Variants in TTLL4 observed in about 807,000 individuals in gnomAD.
The protein encoded by TTLL4 is tubulin monoglutamylase TTLL4.
TTLL4 carries 85 observed loss-of-function variants against 122.7 expected under a neutral mutation model. The ratio of observed to expected loss-of-function variants is 0.69; its 90% CI spans 0.58 to 0.83. The LOEUF is 0.83. Among genes scored for constraint, TTLL4 ranks in the 40% least tolerant of loss-of-function variants. TTLL4 has a pLI of 0.00. For synonymous variants in TTLL4, 553 were observed against 563.0 expected, an observed-to-expected ratio of 0.98 and a Z score of 0.25; for missense variants, 1,363 against 1,488.6, an observed-to-expected ratio of 0.92 and a Z score of 1.39.
intron 6 of TTLL4, 116 bp downstream of exon 6, chr2:218,745,349 T>C: frequency 1.4e-6 from 2 of 1,391,424 alleles, no homozygotes; most frequent in Non-Finnish European, 2.0e-6. Flanking sequence ...GTTGTGGCAG[T>C]TGTCACACTG....
At chr2:218,716,392 T>C (rs1003617872) in intron 1 of TTLL4, among the ~76,000 whole-genome samples, 1 of 152,266 alleles carries the variant, frequency 6.6e-6, no homozygotes, top group Admixed American at 6.5e-5. Context: ...ATAATCAACA[T>C]GTTCTGCATG....
chr2:218,739,983 G>T (rs564349840), intron 3 of TTLL4, 75 bp from the exon 4 acceptor site: 6 of 1,357,900 alleles, frequency 4.4e-6, no homozygotes, highest in Non-Finnish European at 6.2e-6. Flanking sequence ...ACTGGGAGAT[G>T]ATGAAGGAAT....
chr2:218,751,484 C>A, intron 15 of TTLL4: 3 of 415,328 alleles, frequency 7.2e-6, no homozygotes, highest in Non-Finnish European at 9.7e-6. Flanking sequence ...CAAATTCAAC[C>A]TAAAGCTGGT....
downstream of TTLL4, among the ~76,000 whole-genome samples, chr2:218,756,334 T>C (rs1943151422): frequency 6.6e-6 from 1 of 152,000 alleles, no homozygotes. Context: ...AATGGGGGTA[T>C]TGGGGGAAGC....
chr2:218,757,157 C>G (rs1348362952), downstream of TTLL4, among the ~76,000 whole-genome samples: 1 of 152,198 alleles, frequency 6.6e-6, no homozygotes, highest in African/African-American at 2.4e-5. Flanking sequence ...CACACCTTCT[C>G]CACTTGCTGT....
At chr2:218,726,701 A>C (rs1398509659) in intron 1 of TTLL4, among the ~76,000 whole-genome samples, 1 of 152,184 alleles carries the variant, frequency 6.6e-6, no homozygotes, top group Non-Finnish European at 1.5e-5. Context: ...TCCTGGCCTC[A>C]AGTGATCCAC....
chr2:218,753,403 A>C lies in TTLL4; in HGVS notation c.3259-181A>C, dbSNP rs921909343. On this transcript the variant is annotated intron_variant, in intron 18 of 19. Coordinates refer to ENST00000392102, the MANE Select transcript of TTLL4 (RefSeq NM_014640.5). ...ATCAAAAAGTGCTTTGTAGGCCTCA[A>C]CTTCTTGTTTGATTCAGAAGAGAAC... is the stretch of plus-strand genomic sequence containing the variant. The C allele has an allele frequency of 1.2e-5, 10 of 826,144 alleles. No individual in the cohort carries two copies. The African/African-American group carries it at 1.5e-4, about 13-fold the overall frequency. The allele number at this position is 826,144 out of a possible 1,614,324, so 51.2% of individuals were successfully genotyped here.
In TTLL4 at chr2:218,754,390, C is replaced by T. The variant is rs771124418; in HGVS notation, c.*1C>T. On this transcript the variant is annotated 3_prime_UTR_variant, in exon 20 of 20. Transcript: ENST00000392102. Reference sequence around the variant, plus strand: ...CTCCCTCCTGGCTGTGAGCCCATAACTGGCCTCTCTCCAAAAGCCTCTGCC... The same window carrying T: ...CTCCCTCCTGGCTGTGAGCCCATAATTGGCCTCTCTCCAAAAGCCTCTGCC... 4 of 1,614,074 alleles carry T rather than the reference C, an allele frequency of 2.5e-6. No homozygotes were observed. The highest frequency in any genetic ancestry group is 2.2e-5 in the East Asian group (1 of 44,892).
At chr2:218,757,693 T>C (rs1943178429), downstream of TTLL4, among the ~76,000 whole-genome samples, 1 of 152,154 alleles carries the variant, frequency 6.6e-6, no homozygotes, top group Admixed American at 6.5e-5. Context: ...CCTGTCACCC[T>C]AGCCAAAGTA....
rs1343546226 is a variant in TTLL4 at position 218,746,250 on chromosome 2, G to T, written c.1974+19G>T. ...TCAGAAGGTAGGGGTCCTTTCTGAGGAGCTGTTTCCCTGGACTTTGGACTA... is the reference window on the plus strand; with the variant it reads ...TCAGAAGGTAGGGGTCCTTTCTGAGTAGCTGTTTCCCTGGACTTTGGACTA... On this transcript the variant is annotated intron_variant, in intron 8 of 19. Transcript: ENST00000392102. 6.2e-7 allele frequency: 1 copy of T among 1,613,850 alleles called. No homozygotes were observed. Among genetic ancestry groups the T allele is most frequent in the African/African-American group, 1.3e-5 (1 of 74,982 alleles).
chr2:218,749,489 G>A, intron 14 of TTLL4, 102 bp downstream of exon 14: 8 of 1,462,284 alleles, frequency 5.5e-6, no homozygotes, highest in Non-Finnish European at 7.3e-6. Flanking sequence ...TTTTCTTTGA[G>A]ATGGAGTCTC....
chr2:218,753,811 C>T, intron 19 of TTLL4, 142 bp downstream of exon 19: 1 of 924,894 alleles, frequency 1.1e-6, no homozygotes. Flanking sequence ...GCAGCCATAG[C>T]ATCCTTTTTC....
chr2:218,728,921 ATTT>A (rs1191716175), intron 2 of TTLL4, among the ~76,000 whole-genome samples: 3 of 69,214 alleles, frequency 4.3e-5, no homozygotes, highest in Non-Finnish European at 6.0e-5. Flanking sequence ...CTGGTGGTCT[ATTT>A]TTTTTTTTTT....
chr2:218,758,098 C>A (rs1168805325), downstream of TTLL4, among the ~76,000 whole-genome samples: 1 of 152,122 alleles, frequency 6.6e-6, no homozygotes. Context: ...TTTGGCTTGC[C>A]CCTTCACCAG....
chr2:218,755,501 A>G (rs922282673), downstream of TTLL4: 1 of 152,274 alleles, frequency 6.6e-6, no homozygotes, highest in South Asian at 2.1e-4. Context: ...TCATCTAGGT[A>G]TGAGAAAGTG....
At chr2:218,741,809 G>A (rs1156829920) in intron 5 of TTLL4, among the ~76,000 whole-genome samples, 1 of 152,132 alleles carries the variant, frequency 6.6e-6, no homozygotes. Context: ...CTTCAGGACT[G>A]CTACACAACC....
intron 1 of TTLL4, among the ~76,000 whole-genome samples, chr2:218,719,298 G>A (rs1281687237): frequency 1.3e-5 from 2 of 152,142 alleles, no homozygotes; most frequent in Admixed American, 1.3e-4. Context: ...GAAGCTTATA[G>A]GGCATATCAC....
In TTLL4 at chr2:218,738,943, C is replaced by T. The variant is rs755554272; in HGVS notation, c.1267C>T (p.Leu423Phe). 1.9e-6 allele frequency: 3 copies of T among 1,614,230 alleles called. No homozygotes were observed. Among genetic ancestry groups the T allele is most frequent in the Non-Finnish European group, 2.5e-6 (3 of 1,180,046 alleles). The part of the protein sequence containing the change: ...VFCTKRISIH[L>F]LASHASGLNH... ...CTGTACCAAGCGTATCAGCATTCAC[C>T]TCCTTGCCTCACATGCCAGTGGGCT... The change falls in exon 3 of 20, where the codon CTC becomes TTC. Residue 423 changes from leucine (L) to phenylalanine (F), a missense_variant. This residue lies in a region of TTLL4 where 760 missense variants were observed against 808.4 expected (regional missense o/e 0.94). Coordinates refer to ENST00000392102, the MANE Select transcript of TTLL4 (RefSeq NM_014640.5).
intron 2 of TTLL4, among the ~76,000 whole-genome samples, chr2:218,730,183 G>A (rs898361007): frequency 6.6e-6 from 1 of 151,888 alleles, no homozygotes; most frequent in African/African-American, 2.4e-5. Flanking sequence ...TAATAGAAAT[G>A]GAGGTTAGGC....
Sources: gnomAD v4.1 joint callset for allele counts (sites outside exome capture counted in the v4.1 genomes callset) on GRCh38, gnomAD v4.1.1 for gene constraint, gnomAD v4.1.1 regional missense constraint, MANE v1.5 for transcripts, NCBI Gene and HGNC (gene_info 2026-07-23, HGNC 2026-07-21) for gene names.